LDB2: variants seen among roughly 807,000 people sequenced by gnomAD.
The protein encoded by LDB2 is LIM domain-binding protein 2.
LDB2 carries 12 observed loss-of-function variants against 44.3 expected under a neutral mutation model. That is an observed-to-expected ratio of 0.27 (90% CI 0.17 to 0.44). The LOEUF (loss-of-function observed/expected upper bound fraction) is 0.44, where lower values mean the gene tolerates loss of function less well. Ranked by LOEUF, LDB2 falls within the 20% of genes least tolerant of loss-of-function variation. The pLI is 1.00. For synonymous variants in LDB2, 164 were observed against 174.8 expected (o/e 0.94, Z 0.49); for missense variants, 344 against 473.5 (o/e 0.73, Z 2.54).
At chr4:16,836,624 T>A (rs1185138976) in intron 1 of LDB2, among the ~76,000 whole-genome samples, 13 of 152,172 alleles carry the variant, frequency 8.5e-5, no homozygotes, top group Non-Finnish European at 2.9e-5. Flanking sequence ...CCAGCATTGC[T>A]CCCCTTGTCT....
chr4:16,843,378 C>A (rs1439114268), intron 1 of LDB2, among the ~76,000 whole-genome samples: 2 of 152,080 alleles, frequency 1.3e-5, no homozygotes, highest in Non-Finnish European at 2.9e-5. Flanking sequence ...TGTTCAGTCT[C>A]CAAAGACTAG....
At chr4:16,896,367 G>T (rs1345863896) in intron 1 of LDB2, among the ~76,000 whole-genome samples, 1 of 151,966 alleles carries the variant, frequency 6.6e-6, no homozygotes, top group Non-Finnish European at 1.5e-5. Flanking sequence ...CAAATGTCTT[G>T]TCTCAAATGG....
intron 3 of LDB2, among the ~76,000 whole-genome samples, chr4:16,592,111 A>G (rs911124057): frequency 3.9e-5 from 6 of 152,178 alleles, no homozygotes; most frequent in Non-Finnish European, 8.8e-5. Context: ...TCAACAAGAA[A>G]GAGGCTGGCA....
intron 2 of LDB2, among the ~76,000 whole-genome samples, chr4:16,712,557 A>C (rs1208960182): frequency 6.6e-6 from 1 of 152,180 alleles, no homozygotes; most frequent in South Asian, 2.1e-4. Flanking sequence ...GTCTCAAAAA[A>C]AACAAAAAGA....
chr4:16,870,625 C>CTGTTTATT (rs1316648949), intron 1 of LDB2, among the ~76,000 whole-genome samples: 1 of 133,618 alleles, frequency 7.5e-6, no homozygotes, highest in Non-Finnish European at 1.6e-5. Flanking sequence ...TCCTTGCATT[C>CTGTTTATT]TCTTTATTTA....
chr4:16,721,983 A>T (rs1338375040), intron 2 of LDB2, among the ~76,000 whole-genome samples: 2 of 152,208 alleles, frequency 1.3e-5, no homozygotes, highest in Non-Finnish European at 2.9e-5. Flanking sequence ...TTAAAATACC[A>T]TAAACTAATT....
At chr4:16,548,782 T>G (rs1736653473) in intron 5 of LDB2, among the ~76,000 whole-genome samples, 1 of 152,176 alleles carries the variant, frequency 6.6e-6, no homozygotes, top group South Asian at 2.1e-4. Flanking sequence ...CTATTTATAT[T>G]CCAACAAAGC....
chr4:16,837,913 G>A (rs1171307229), intron 1 of LDB2, among the ~76,000 whole-genome samples: 1 of 152,232 alleles, frequency 6.6e-6, no homozygotes, highest in African/African-American at 2.4e-5. Flanking sequence ...CAGGGAAGGC[G>A]CTTGGTGCAC....
At chr4:16,724,126 T>C (rs1758923691) in intron 2 of LDB2, among the ~76,000 whole-genome samples, 1 of 152,072 alleles carries the variant, frequency 6.6e-6, no homozygotes, top group South Asian at 2.1e-4. Context: ...TAGAAAATGC[T>C]TTTTAAGGGG....
intron 2 of LDB2, among the ~76,000 whole-genome samples, chr4:16,692,673 G>A (rs763580323): frequency 1.9e-4 from 29 of 152,148 alleles, no homozygotes; most frequent in Non-Finnish European, 3.5e-4. Flanking sequence ...AAGCTGGTCA[G>A]AGGAGCATAG....
At chr4:16,627,899 G>A (rs977366579) in intron 2 of LDB2, among the ~76,000 whole-genome samples, 1 of 152,194 alleles carries the variant, frequency 6.6e-6, no homozygotes, top group Non-Finnish European at 1.5e-5. Context: ...GGACTGGCCT[G>A]AACACCTGGC....
chr4:16,760,216 G>A (rs1767592752), intron 1 of LDB2, among the ~76,000 whole-genome samples: 1 of 152,156 alleles, frequency 6.6e-6, no homozygotes, highest in Admixed American at 6.6e-5. Context: ...TGGAAGGGGA[G>A]ATAGAAGGGG....
intron 2 of LDB2, among the ~76,000 whole-genome samples, chr4:16,742,974 G>A (rs73241036): frequency 0.076 from 11,577 of 151,438 alleles, 720 homozygotes; most frequent in East Asian, 0.38. Context: ...TGGCTTCACA[G>A]GGCAGTTTTC....
At chr4:16,527,440 G>A (rs188616290) in intron 5 of LDB2, among the ~76,000 whole-genome samples, 31 of 152,290 alleles carry the variant, frequency 2.0e-4, no homozygotes, top group African/African-American at 4.8e-4. Context: ...AGATGTTGGC[G>A]TGGATGCGGT....
chr4:16,520,394 G>A (rs1234812481), intron 5 of LDB2, among the ~76,000 whole-genome samples: 2 of 152,100 alleles, frequency 1.3e-5, no homozygotes, highest in East Asian at 1.9e-4. Flanking sequence ...CTCTGAAGAG[G>A]AAGAACAAGG....
intron 2 of LDB2, among the ~76,000 whole-genome samples, chr4:16,716,074 G>T (rs1311392436): frequency 1.3e-5 from 2 of 152,092 alleles, no homozygotes; most frequent in Non-Finnish European, 2.9e-5. Context: ...TCTAAGTAAG[G>T]CTCATGCAGA....
At chr4:16,576,659 G>T (rs939871803) in intron 5 of LDB2, among the ~76,000 whole-genome samples, 2 of 152,114 alleles carry the variant, frequency 1.3e-5, no homozygotes, top group African/African-American at 4.8e-5. Flanking sequence ...AACATTTAAA[G>T]AATTAATACC....
chr4:16,739,122 G>A (rs569034716), intron 2 of LDB2, among the ~76,000 whole-genome samples: 13 of 151,998 alleles, frequency 8.6e-5, no homozygotes, highest in East Asian at 5.8e-4. Flanking sequence ...AATCTAAGGC[G>A]CCCCCCAAAT....
At position 16,739,616 on chromosome 4, in the gene LDB2, ATACATGTG is replaced by A. The variant is rs1561054543; in HGVS notation, c.235+19534_235+19541del. On this transcript the variant is annotated intron_variant, in intron 2 of 7. Coordinates refer to ENST00000304523, the MANE Select transcript of LDB2 (RefSeq NM_001290.5). ...TATATATATATATATATATGTATATATACATGTGTGTGTATATATGTATATATACATAT... is the reference window on the plus strand; with the variant it reads ...TATATATATATATATATATGTATATATGTGTATATATGTATATATACATAT... Among the ~76,000 whole-genome samples the A allele has an allele frequency of 3.8e-4, 32 of 83,686 alleles. 4 individuals are homozygous for A. The highest frequency in any genetic ancestry group is 1.5e-3 in the African/African-American group (30 of 20,272). The allele number at this position is 83,686 out of a possible 152,430, so 54.9% of individuals were successfully genotyped here. A position where few individuals can be genotyped will look rare whatever the true frequency, so the allele number is the denominator to read the frequency against.
Sources: gnomAD v4.1 joint callset for allele counts (sites outside exome capture counted in the v4.1 genomes callset) on GRCh38, gnomAD v4.1.1 for gene constraint, MANE v1.5 for transcripts, NCBI Gene and HGNC (gene_info 2026-07-23, HGNC 2026-07-21) for gene names.